Variants in CSPP1 observed in about 807,000 individuals in gnomAD.
CSPP1 encodes the protein centrosome and spindle pole associated protein 1.
Under a neutral mutation model 164.4 loss-of-function variants are expected in CSPP1, and 126 were observed. The ratio of observed to expected loss-of-function variants is 0.77; its 90% CI spans 0.66 to 0.89. The LOEUF (loss-of-function observed/expected upper bound fraction) is 0.89, where lower values mean the gene tolerates loss of function less well. Ranked by LOEUF, CSPP1 falls within the 40% of genes least tolerant of loss-of-function variation. The pLI, the probability that CSPP1 is intolerant of heterozygous loss-of-function variation, is 0.00. For synonymous variants in CSPP1, 472 were observed against 476.7 expected, an observed-to-expected ratio of 0.99 and a Z score of 0.13; for missense variants, 1,395 against 1,449.8, an observed-to-expected ratio of 0.96 and a Z score of 0.61.
chr8:67,124,708 A>G (rs1190764078), intron 15 of CSPP1, among the ~76,000 whole-genome samples: 1 of 151,290 alleles, frequency 6.6e-6, no homozygotes, highest in Non-Finnish European at 1.5e-5. Context: ...TGGAGATAGG[A>G]TCTCACTCTG....
At chr8:67,103,632 T>C (rs1386642996) in intron 8 of CSPP1, among the ~76,000 whole-genome samples, 1 of 149,736 alleles carries the variant, frequency 6.7e-6, no homozygotes, top group Non-Finnish European at 1.5e-5. Flanking sequence ...AAACCCAGTC[T>C]CTACTGAAAA....
intron 4 of CSPP1, among the ~76,000 whole-genome samples, chr8:67,089,604 T>C (rs1043776289): frequency 6.6e-6 from 1 of 152,202 alleles, no homozygotes; most frequent in Non-Finnish European, 1.5e-5. Flanking sequence ...TTATTATTTC[T>C]TTTTCATTTT....
At chr8:67,124,436 A>G (rs532109003) in intron 15 of CSPP1, among the ~76,000 whole-genome samples, 2 of 152,278 alleles carry the variant, frequency 1.3e-5, no homozygotes, top group African/African-American at 4.8e-5. Context: ...AAATCACACT[A>G]TTATACATTT....
intron 19 of CSPP1, among the ~76,000 whole-genome samples, chr8:67,155,544 C>T (rs183908982): frequency 1.2e-3 from 177 of 152,228 alleles, no homozygotes; most frequent in African/African-American, 4.0e-3. Flanking sequence ...ACCTCTAATG[C>T]CAGCACTTTG....
intron 1 of CSPP1, chr8:67,068,996 C>T (rs1002594585): frequency 2.0e-5 from 3 of 152,196 alleles, no homozygotes; most frequent in Non-Finnish European, 4.4e-5. Flanking sequence ...TAGAATTAAC[C>T]CCACTTCTAA....
chr8:67,123,746 G>A (rs1819475153), intron 15 of CSPP1, among the ~76,000 whole-genome samples: 1 of 151,464 alleles, frequency 6.6e-6, no homozygotes, highest in African/African-American at 2.4e-5. Flanking sequence ...CAAGGAGCTG[G>A]AACTACAGGC....
intron 15 of CSPP1, among the ~76,000 whole-genome samples, chr8:67,129,069 C>G (rs1020879824): frequency 6.6e-6 from 1 of 152,078 alleles, no homozygotes; most frequent in Non-Finnish European, 1.5e-5. Context: ...CTACTGTAAT[C>G]TACCATGTTA....
chr8:67,193,383 C>T (rs1836958411), intron 29 of CSPP1, 81 bp from the exon 30 acceptor site: 3 of 1,271,948 alleles, frequency 2.4e-6, no homozygotes, highest in South Asian at 2.6e-5. Context: ...AGGTGATAGG[C>T]ACCATGCCTG....
At chr8:67,084,880 G>C (rs981825179) in intron 3 of CSPP1, among the ~76,000 whole-genome samples, 2 of 152,070 alleles carry the variant, frequency 1.3e-5, no homozygotes, top group African/African-American at 2.4e-5. Flanking sequence ...TATGCTTCTT[G>C]ACATAGTATT....
intron 28 of CSPP1, among the ~76,000 whole-genome samples, chr8:67,185,013 G>A (rs1834137279): frequency 6.7e-6 from 1 of 149,442 alleles, no homozygotes; most frequent in Non-Finnish European, 1.5e-5. Flanking sequence ...GCTGAGGCAG[G>A]AGAATGGCGT....
At chr8:67,112,685 CTAACTAA>C (rs1817110827) in intron 10 of CSPP1, among the ~76,000 whole-genome samples, 1 of 152,148 alleles carries the variant, frequency 6.6e-6, no homozygotes, top group Non-Finnish European at 1.5e-5. Context: ...CAATAGCTTT[CTAACTAA>C]TAACTAGTCT....
In CSPP1 at chr8:67,195,525, G is replaced by C. The variant is rs201972175; in HGVS notation, c.3613G>C (p.Glu1205Gln). The change falls in exon 31 of 31, where the codon GAG becomes CAG. Residue 1205 changes from glutamate to glutamine, a missense_variant. Physicochemically the swap from Glu to Gln is conservative, Grantham distance 29. Transcript: ENST00000678616. ...TTTCATGGCAGAGCAGCTGAACCAGGAGCAGCAGCAGATTCCTGGAAAACC... is the reference window on the plus strand; with the variant it reads ...TTTCATGGCAGAGCAGCTGAACCAGCAGCAGCAGCAGATTCCTGGAAAACC... The part of the protein sequence containing the change: ...KRFMAEQLNQ[E>Q]QQQIPGKPGT... 8 of 1,614,196 alleles carry C rather than the reference G, an allele frequency of 5.0e-6. No individual in the cohort carries two copies. The African/African-American group carries it at 9.3e-5, about 19-fold the overall frequency.
intron 5 of CSPP1, 100 bp downstream of exon 5, chr8:67,091,983 C>T (rs1811705759): frequency 3.2e-6 from 1 of 315,108 alleles, no homozygotes. Flanking sequence ...AAGATCACAT[C>T]ATTTCCCCAC....
intron 15 of CSPP1, among the ~76,000 whole-genome samples, chr8:67,130,576 C>T (rs1322612941): frequency 6.6e-6 from 1 of 152,126 alleles, no homozygotes; most frequent in African/African-American, 2.4e-5. Context: ...TGACAGTATA[C>T]ACAAACATAC....
At chr8:67,072,912 T>C (rs1046615750) in intron 1 of CSPP1, among the ~76,000 whole-genome samples, 3 of 151,108 alleles carry the variant, frequency 2.0e-5, no homozygotes, top group African/African-American at 7.3e-5. Flanking sequence ...AAGCTAATTT[T>C]AACAAAAGGG....
chr8:67,159,953 CCTT>C lies in CSPP1; in HGVS notation c.2538+820_2538+822del, dbSNP rs1292476158. The stretch of plus-strand genomic sequence containing the variant: ...TCCTTCCTTCCTTCCTTCCTTCCTT[CCTT>C]CTTTCTTTTCTTTTCTTTTCTTTTC... On this transcript the variant is annotated intron_variant, in intron 21 of 30. Transcript: ENST00000678616. Among the ~76,000 whole-genome samples, 18 of 29,120 alleles carry C rather than the reference CCTT, an allele frequency of 6.2e-4. 2 individuals carry two copies. Among genetic ancestry groups the C allele is most frequent in the Non-Finnish European group, 9.1e-4 (14 of 15,336 alleles). The allele number at this position is 29,120 out of a possible 152,430, so 19.1% of individuals were successfully genotyped here. A position where few individuals can be genotyped will look rare whatever the true frequency, so the allele number is the denominator to read the frequency against.
At chr8:67,120,509 T>A (rs1026684278) in intron 15 of CSPP1, among the ~76,000 whole-genome samples, 2 of 152,204 alleles carry the variant, frequency 1.3e-5, no homozygotes, top group African/African-American at 4.8e-5. Context: ...TATATGTCCA[T>A]TTATTTATGT....
chr8:67,164,773 CTT>C (rs1393183978), intron 24 of CSPP1, among the ~76,000 whole-genome samples: 1 of 152,158 alleles, frequency 6.6e-6, no homozygotes. Flanking sequence ...AATAACGTAG[CTT>C]TCTGAAATAC....
chr8:67,086,743 C>A, intron 4 of CSPP1: 1 of 674,806 alleles, frequency 1.5e-6, no homozygotes, highest in Non-Finnish European at 2.4e-6. Flanking sequence ...GTACAAATGT[C>A]TCTTATTCTG....
Sources: allele counts gnomAD v4.1 joint callset (sites outside exome capture counted in the v4.1 genomes callset), GRCh38; gene constraint gnomAD v4.1.1; transcripts MANE v1.5; gene names NCBI Gene and HGNC (gene_info 2026-07-23, HGNC 2026-07-21).